Variants in TRAK2 observed in about 807,000 individuals in gnomAD.
The protein encoded by TRAK2 is trafficking kinesin protein 2.
Under a neutral mutation model 104.6 loss-of-function variants are expected in TRAK2, and 81 were observed. That is an observed-to-expected ratio of 0.77 (90% CI 0.65 to 0.93). TRAK2 has a LOEUF of 0.93. TRAK2 is among the 40% of genes least tolerant of loss of function. The pLI is 0.00. For missense variants in TRAK2, 1,002 were observed against 1,089.0 expected (o/e 0.92, Z 1.12); for synonymous variants, 406 against 394.4 (o/e 1.03, Z -0.35).
At chr2:201,398,705 A>C (rs149130335) in intron 5 of TRAK2, among the ~76,000 whole-genome samples, 39 of 152,258 alleles carry the variant, frequency 2.6e-4, no homozygotes, top group African/African-American at 8.9e-4. Context: ...AGAACCTTCA[A>C]AGTATCAGAA....
intron 1 of TRAK2, among the ~76,000 whole-genome samples, chr2:201,426,338 A>G (rs181593716): frequency 2.1e-4 from 32 of 152,222 alleles, no homozygotes; most frequent in Non-Finnish European, 3.4e-4. Context: ...ACTCTCTCCC[A>G]TCACCTCCAG....
At chr2:201,430,655 G>A (rs1951834388) in intron 1 of TRAK2, among the ~76,000 whole-genome samples, 2 of 152,150 alleles carry the variant, frequency 1.3e-5, no homozygotes, top group Admixed American at 6.5e-5. Context: ...GTCCTGGTGT[G>A]CCCTTTGCTA....
intron 2 of TRAK2, among the ~76,000 whole-genome samples, 153 bp downstream of exon 2, chr2:201,420,264 G>A (rs933144677): frequency 6.6e-6 from 1 of 152,218 alleles, no homozygotes; most frequent in Admixed American, 6.5e-5. Context: ...GGGGACACAG[G>A]GGATGGAGAG....
chr2:201,416,226 T>TAA (rs11398184), intron 2 of TRAK2, among the ~76,000 whole-genome samples: 2,493 of 90,814 alleles, frequency 0.027, 59 homozygotes, highest in Non-Finnish European at 0.037. Context: ...GACTCTACAT[T>TAA]AAAAAAAAAA....
intron 3 of TRAK2, among the ~76,000 whole-genome samples, chr2:201,406,626 T>G (rs1270901469): frequency 2.0e-5 from 3 of 152,236 alleles, no homozygotes; most frequent in Non-Finnish European, 4.4e-5. Flanking sequence ...ATCACCTACT[T>G]AATTCTAATT....
chr2:201,428,944 T>C (rs1157039083), intron 1 of TRAK2, among the ~76,000 whole-genome samples: 2 of 152,212 alleles, frequency 1.3e-5, no homozygotes, highest in East Asian at 3.8e-4. Flanking sequence ...TGAATGGGAG[T>C]TCACTCATGA....
chr2:201,384,422 G>C (rs1951370354), intron 14 of TRAK2, among the ~76,000 whole-genome samples: 3 of 151,744 alleles, frequency 2.0e-5, no homozygotes. Flanking sequence ...CTTTAAAACT[G>C]TAAAGCAAAA....
chr2:201,417,241 CAAA>C (rs61702415), intron 2 of TRAK2, among the ~76,000 whole-genome samples: 10 of 88,426 alleles, frequency 1.1e-4, no homozygotes, highest in East Asian at 3.1e-4. Flanking sequence ...GAAGACATTG[CAAA>C]AAAAAAAAAA....
chr2:201,407,687 G>T, intron 2 of TRAK2, 90 bp from the exon 3 acceptor site: 1 of 1,141,022 alleles, frequency 8.8e-7, no homozygotes, highest in Non-Finnish European at 1.2e-6. Context: ...TTTTTCTAAA[G>T]TAGGATAACC....
chr2:201,446,316 A>AT (rs1951964075), intron 1 of TRAK2, among the ~76,000 whole-genome samples: 1 of 152,148 alleles, frequency 6.6e-6, no homozygotes, highest in Admixed American at 6.5e-5. Context: ...TCTAATTTTA[A>AT]TGTCCTCTCC....
At chr2:201,420,197 A>G (rs891669524) in intron 2 of TRAK2, among the ~76,000 whole-genome samples, 1 of 152,176 alleles carries the variant, frequency 6.6e-6, no homozygotes, top group Non-Finnish European at 1.5e-5. Context: ...TCAAGGGTAC[A>G]GGGGAGTCCG....
chr2:201,386,997 T>C (rs188513109), intron 13 of TRAK2, among the ~76,000 whole-genome samples: 1 of 152,320 alleles, frequency 6.6e-6, no homozygotes, highest in Non-Finnish European at 1.5e-5. Context: ...CCAGATGCAA[T>C]GTCTAATTAT....
rs1243860228 is a variant in TRAK2, at chr2:201,380,549, C to G, written c.2739G>C (p.Glu913Asp). 14 of 1,613,160 alleles carry G rather than the reference C, an allele frequency of 8.7e-6. No homozygotes were observed. The highest frequency in any genetic ancestry group is 1.1e-5 in the South Asian group (1 of 91,026). The change falls in exon 16 of 16, where the codon GAG (glutamate) becomes GAC (aspartate). Residue 913 changes from glutamate to aspartate, a missense_variant. Glu to Asp is a conservative substitution (Grantham distance 45, BLOSUM62 2). Transcript: ENST00000332624. ...GTCAGTTAACTGCTGAACCTCAGTC[C>G]TCCTTCAGGACACCCATTTTGGGTG... ...TSSPKMGVLK[E>D]D
At chr2:201,390,330 G>T (rs1951434433) in intron 10 of TRAK2, among the ~76,000 whole-genome samples, 1 of 150,702 alleles carries the variant, frequency 6.6e-6, no homozygotes, top group African/African-American at 2.4e-5. Flanking sequence ...GGATCACGAG[G>T]TCAGGAGATC....
intron 1 of TRAK2, among the ~76,000 whole-genome samples, chr2:201,440,534 A>T (rs1448559134): frequency 6.6e-6 from 1 of 152,186 alleles, no homozygotes; most frequent in Non-Finnish European, 1.5e-5. Flanking sequence ...TCTTTTACCT[A>T]GCCTAGCTAT....
intron 7 of TRAK2, among the ~76,000 whole-genome samples, chr2:201,396,468 G>A (rs866416713): frequency 1.3e-5 from 2 of 152,092 alleles, no homozygotes; most frequent in African/African-American, 2.4e-5. Flanking sequence ...TACATTCCAC[G>A]ACCTGCAGTG....
intron 1 of TRAK2, among the ~76,000 whole-genome samples, chr2:201,421,066 C>T (rs1951736775): frequency 6.6e-6 from 1 of 152,122 alleles, no homozygotes; most frequent in Admixed American, 6.6e-5. Flanking sequence ...TTAAATTGTA[C>T]ACTTGAAATG....
At chr2:201,392,838 A>G in intron 10 of TRAK2, 71 bp downstream of exon 10, 1 of 1,466,042 alleles carries the variant, frequency 6.8e-7, no homozygotes, top group Admixed American at 2.2e-5. Flanking sequence ...ATCATAAACC[A>G]TCAAACTTTT....
intron 2 of TRAK2, chr2:201,410,990 A>G (rs1363794945): frequency 6.7e-7 from 1 of 1,482,834 alleles, no homozygotes; most frequent in East Asian, 2.3e-5. Context: ...TGAATCCTGA[A>G]GTCTGAAAGC....
Sources: gnomAD v4.1 joint callset for allele counts (sites outside exome capture counted in the v4.1 genomes callset) on GRCh38, gnomAD v4.1.1 for gene constraint, MANE v1.5 for transcripts, NCBI Gene and HGNC (gene_info 2026-07-23, HGNC 2026-07-21) for gene names.